Variants in SNX29 observed in about 807,000 individuals in gnomAD.
SNX29 encodes sorting nexin 29, also known as sorting nexin-29.
SNX29 carries 78 observed loss-of-function variants against 102.1 expected under a neutral mutation model. That is an observed-to-expected ratio of 0.76 (90% confidence interval 0.64 to 0.92). The LOEUF is 0.92. SNX29 is among the 40% of genes least tolerant of loss of function. SNX29 has a pLI of 0.00. For missense variants in SNX29, 1,280 were observed against 1,061.7 expected, an observed-to-expected ratio of 1.21 and a Z score of -2.86; for synonymous variants, 580 against 414.5, an observed-to-expected ratio of 1.40 and a Z score of -4.85.
intron 14 of SNX29, among the ~76,000 whole-genome samples, chr16:12,274,162 C>A (rs1425207148): frequency 6.6e-6 from 1 of 152,182 alleles, no homozygotes; most frequent in Non-Finnish European, 1.5e-5. Flanking sequence ...CTTTATCCTG[C>A]CTCTCACGTG....
In SNX29 at chr16:12,568,436, C is replaced by T. The variant is rs2079105509; in HGVS notation, c.2319-70C>T. 1.5e-5 allele frequency: 23 copies of T among 1,584,662 alleles called. 1 individual carries two copies. Among genetic ancestry groups the T allele is most frequent in the South Asian group, 8.0e-5 (7 of 88,014 alleles). On this transcript the variant is annotated intron_variant, in intron 20 of 20. Transcript: ENST00000566228. ...ATCCCTCCTGCCCTCACACCTGGCT[C>T]CCCTTCCTGGCCTGTGGTCATTTGC...
intron 14 of SNX29, among the ~76,000 whole-genome samples, chr16:12,204,792 T>A (rs1462394654): frequency 6.6e-6 from 1 of 152,262 alleles, no homozygotes; most frequent in Non-Finnish European, 1.5e-5. Context: ...GATTCCTGGC[T>A]CCACACCCAC....
Position 12,013,500 on chromosome 16 carries a change from A to AAAATATATATAT in SNX29, c.122+10458_122+10459insAATATATATATA. ...GTCTCTACTGGGGGAAAAAAAAAAA[A>AAAATATATATAT]ATATATATATATATATATATATATA... On this transcript the variant is annotated intron_variant, in intron 3 of 20. Transcript: ENST00000566228. 2.1e-3 allele frequency among the ~76,000 whole-genome samples: 66 copies of AAAATATATATAT among 31,598 alleles called. 2 individuals carry two copies. Among genetic ancestry groups the AAAATATATATAT allele is most frequent in the Admixed American group, 4.5e-3 (8 of 1,784 alleles). 20.7% of individuals were successfully genotyped at this position (31,598 alleles called of 152,430 possible). A position where few individuals can be genotyped will look rare whatever the true frequency, so the allele number is the denominator to read the frequency against.
At chr16:12,010,696 G>C (rs1444952008) in intron 3 of SNX29, among the ~76,000 whole-genome samples, 2 of 151,752 alleles carry the variant, frequency 1.3e-5, no homozygotes, top group African/African-American at 4.8e-5. Context: ...AGAAATCATA[G>C]GAGAGCATTT....
intron 13 of SNX29, among the ~76,000 whole-genome samples, chr16:12,151,486 C>A (rs944373620): frequency 6.6e-6 from 1 of 152,112 alleles, no homozygotes; most frequent in Non-Finnish European, 1.5e-5. Context: ...GAATATCCAC[C>A]CTTCTTTCCC....
At chr16:12,167,822 G>A (rs1025944321) in intron 13 of SNX29, among the ~76,000 whole-genome samples, 14 of 152,166 alleles carry the variant, frequency 9.2e-5, no homozygotes, top group Admixed American at 6.5e-4. Context: ...CAGGGCCACC[G>A]TTTATTTCGT....
chr16:12,247,230 G>C (rs1045463925), intron 14 of SNX29, among the ~76,000 whole-genome samples: 1 of 152,186 alleles, frequency 6.6e-6, no homozygotes, highest in Non-Finnish European at 1.5e-5. Context: ...AAGGGATGGA[G>C]GCTGGCTCTT....
intron 20 of SNX29, among the ~76,000 whole-genome samples, chr16:12,565,023 C>T (rs1376817978): frequency 6.6e-6 from 1 of 152,092 alleles, no homozygotes; most frequent in Non-Finnish European, 1.5e-5. Flanking sequence ...GACGCCAGTC[C>T]TGGGATGAGC....
In SNX29 at chr16:12,425,354, C is replaced by A. The variant is rs371446931; in HGVS notation, c.2037+21825C>A. 2.6e-5 allele frequency among the ~76,000 whole-genome samples: 4 copies of A among 151,678 alleles called. No individual in the cohort carries two copies. In the East Asian group the frequency reaches 7.8e-4, roughly 29 times the overall value. ...TGGATAATCATTAGCTCAACAGATGCCATAAGATCAGAGTGCCCCTGAGGC... is the reference window on the plus strand; with the variant it reads ...TGGATAATCATTAGCTCAACAGATGACATAAGATCAGAGTGCCCCTGAGGC... On this transcript the variant is annotated intron_variant, in intron 18 of 20. Coordinates refer to ENST00000566228, the MANE Select transcript of SNX29 (RefSeq NM_032167.5).
chr16:12,516,409 G>A lies in SNX29; in HGVS notation c.2179-8293G>A, dbSNP rs560109274. ...GCAGGAGGATTGCTTGAGCCTGGGA[G>A]GTCAGGGCTGCAGTGAGCCATGATT... is the stretch of plus-strand genomic sequence containing the variant. On this transcript the variant is annotated intron_variant, in intron 19 of 20. Coordinates refer to ENST00000566228, the MANE Select transcript of SNX29 (RefSeq NM_032167.5). Among the ~76,000 whole-genome samples, 30 of 151,768 alleles carry A rather than the reference G, an allele frequency of 2.0e-4. No individual in the cohort carries two copies. The East Asian group carries it at 5.6e-3, about 29-fold the overall frequency.
At chr16:12,008,269 A>AT (rs1037113262) in intron 3 of SNX29, among the ~76,000 whole-genome samples, 2 of 142,468 alleles carry the variant, frequency 1.4e-5, no homozygotes, top group South Asian at 2.2e-4. Context: ...TTTCAAGGAA[A>AT]TTTTTTTTTC....
At chr16:12,052,455 G>C in intron 8 of SNX29, 1 of 437,462 alleles carries the variant, frequency 2.3e-6, no homozygotes, top group Non-Finnish European at 4.2e-6. Context: ...GACCTCAAGT[G>C]ATCTGCCTGC....
chr16:12,182,383 A>G (rs554672082), intron 13 of SNX29, among the ~76,000 whole-genome samples: 12 of 152,158 alleles, frequency 7.9e-5, no homozygotes, highest in Non-Finnish European at 1.3e-4. Context: ...GCGAACAGGC[A>G]GCTGGTAATA....
intron 13 of SNX29, among the ~76,000 whole-genome samples, chr16:12,145,931 G>C (rs921854016): frequency 6.6e-6 from 1 of 152,138 alleles, no homozygotes; most frequent in Non-Finnish European, 1.5e-5. Context: ...CCTTCAGCTA[G>C]ATTCCAAAAA....
chr16:12,014,746 A>AG (rs1285943948), intron 3 of SNX29, among the ~76,000 whole-genome samples: 2 of 151,618 alleles, frequency 1.3e-5, no homozygotes, highest in South Asian at 2.1e-4. Flanking sequence ...AAAAAAAAAA[A>AG]AAAAGAAAAG....
chr16:12,514,527 CCT>C (rs1392240550), intron 19 of SNX29, among the ~76,000 whole-genome samples: 4 of 152,174 alleles, frequency 2.6e-5, no homozygotes, highest in Admixed American at 2.6e-4. Flanking sequence ...GACCTGGGCG[CCT>C]CTGAGTATCA....
chr16:12,569,293 C>G lies in SNX29; in HGVS notation c.*664C>G, dbSNP rs1009205313. The G allele has an allele frequency of 4.4e-6, 1 of 229,314 alleles. No individual in the cohort carries two copies. Among genetic ancestry groups the G allele is most frequent in the Non-Finnish European group, 8.6e-6 (1 of 115,746 alleles). The allele number at this position is 229,314 out of a possible 1,614,324, so 14.2% of individuals were successfully genotyped here. ...TTCAGAGAACTTCCCCTACCTCCCC[C>G]ATGGCTGGCTTCAGGAAGGACCAGT... On this transcript the variant is annotated 3_prime_UTR_variant, in exon 21 of 21. Coordinates refer to ENST00000566228, the MANE Select transcript of SNX29 (RefSeq NM_032167.5).
intron 15 of SNX29, among the ~76,000 whole-genome samples, chr16:12,341,008 A>G (rs1206631588): frequency 6.6e-6 from 1 of 152,202 alleles, no homozygotes; most frequent in Non-Finnish European, 1.5e-5. Flanking sequence ...TTACCTGTAG[A>G]ATGGGCATAA....
intron 20 of SNX29, among the ~76,000 whole-genome samples, chr16:12,542,347 A>G (rs921711463): frequency 1.4e-4 from 21 of 152,188 alleles, no homozygotes; most frequent in African/African-American, 4.6e-4. Flanking sequence ...GATTGTCTCA[A>G]AAGAAAAAGT....
Sources: gnomAD v4.1 joint callset for allele counts (sites outside exome capture counted in the v4.1 genomes callset) on GRCh38, gnomAD v4.1.1 for gene constraint, MANE v1.5 for transcripts, NCBI Gene and HGNC (gene_info 2026-07-23, HGNC 2026-07-21) for gene names.